Variants in ISG15 observed in about 807,000 individuals in gnomAD.
ISG15 encodes the protein ISG15 ubiquitin like modifier, also known as ubiquitin-like protein ISG15.
A neutral mutation model predicts 2.4 loss-of-function variants in ISG15; 2 were observed. That is an observed-to-expected ratio of 0.82 (90% CI 0.33 to 2.57). The LOEUF (loss-of-function observed/expected upper bound fraction) is 2.57, where lower values mean the gene tolerates loss of function less well. Among genes scored for constraint, ISG15 ranks in the 30% most tolerant of loss-of-function variants. The pLI, the probability that ISG15 is intolerant of heterozygous loss-of-function variation, is 0.11. For missense variants in ISG15, 224 were observed against 228.4 expected (o/e 0.98, Z 0.13); for synonymous variants, 116 against 108.1 (o/e 1.07, Z -0.45).
chr1:1,013,511 A>T lies in ISG15; in HGVS notation c.-63A>T. On this transcript the variant is annotated 5_prime_UTR_variant, in exon 1 of 2. Coordinates refer to ENST00000649529, the MANE Select transcript of ISG15 (RefSeq NM_005101.4). ...CTGCCGAAGCCGGCGGCTGAGAGGC[A>T]GCGAACTCATCTTTGCCAGTACAGG... is the stretch of plus-strand genomic sequence containing the variant. The T allele has an allele frequency of 6.4e-7, 1 of 1,574,010 alleles. No homozygotes were observed. The highest frequency in any genetic ancestry group is 1.3e-5 in the African/African-American group (1 of 74,432).
rs376407546 is a variant in ISG15, at chr1:1,014,501, A to G, written c.*23A>G. 1.8e-4 allele frequency: 287 copies of G among 1,578,880 alleles called. No homozygotes were observed. Among genetic ancestry groups the G allele is most frequent in the Non-Finnish European group, 1.9e-4 (226 of 1,161,614 alleles). On this transcript the variant is annotated 3_prime_UTR_variant, in exon 2 of 2. Coordinates refer to ENST00000649529, the MANE Select transcript of ISG15 (RefSeq NM_005101.4). ...TAAGGGCCTCCACCAGCATCCGAGC[A>G]GGATCAAGGGCCGGAAATAAAGGCT...
Position 1,014,443 on chromosome 1 carries a change from C to T in ISG15, c.463C>T (p.Arg155Trp), listed in dbSNP as rs761507082. The change falls in exon 2 of 2, where the codon CGG becomes TGG. Residue 155 changes from arginine (R) to tryptophan (W), a missense_variant. By Grantham distance (101) the Arg-to-Trp change is moderately radical. Transcript: ENST00000649529. Reference protein sequence around the residue: ...LSTVFMNLRLRGGGTEPGGRS With the variant: ...LSTVFMNLRLWGGGTEPGGRS The stretch of plus-strand genomic sequence containing the variant: ...CACCGTGTTCATGAATCTGCGCCTG[C>T]GGGGAGGCGGCACAGAGCCTGGCGG... 3.4e-5 allele frequency: 54 copies of T among 1,609,066 alleles called. No individual in the cohort carries two copies. In the Middle Eastern group the frequency reaches 6.6e-4, roughly 20 times the overall value.
Position 1,014,200 on chromosome 1 carries a change from G to T in ISG15, c.220G>T (p.Val74Leu). The T allele has an allele frequency of 6.2e-7, 1 of 1,613,532 alleles. No homozygotes were observed. Among genetic ancestry groups the T allele is most frequent in the Non-Finnish European group, 8.5e-7 (1 of 1,179,970 alleles). The change falls in exon 2 of 2, where the codon GTG becomes TTG. Residue 74 changes from valine (V) to leucine (L), a missense_variant. Val to Leu is a conservative substitution (Grantham distance 32). Transcript: ENST00000649529. ...GGGCCCCGGCAGCACGGTCCTGCTGGTGGTGGACAAATGCGACGAACCTCT... is the reference window on the plus strand; with the variant it reads ...GGGCCCCGGCAGCACGGTCCTGCTGTTGGTGGACAAATGCGACGAACCTCT... The part of the protein sequence containing the change: ...GLGPGSTVLL[V>L]VDKCDEPLSI...
chr1:1,013,918 C>T (rs1435439710), intron 1 of ISG15, 66 bp from the exon 2 acceptor site: 1 of 1,530,310 alleles, frequency 6.5e-7, no homozygotes, highest in Admixed American at 1.9e-5. Flanking sequence ...GCCCTGCAGC[C>T]AGTGCCTTGT....
At position 1,014,178 on chromosome 1, in the gene ISG15, C is replaced by A; in HGVS notation, c.198C>A (p.Gly66=). ...DRVPLASQGL[G]PGSTVLLVVD... ...TCCCCCTTGCCAGCCAGGGCCTGGG[C>A]CCCGGCAGCACGGTCCTGCTGGTGG... The change falls in exon 2 of 2, where the codon GGC becomes GGA. Residue 66 remains glycine (G), a synonymous_variant. Transcript: ENST00000649529. 2 of 1,613,042 alleles carry A rather than the reference C, an allele frequency of 1.2e-6. No individual in the cohort carries two copies. Among genetic ancestry groups the A allele is most frequent in the Non-Finnish European group, 1.7e-6 (2 of 1,179,594 alleles).
chr1:1,014,427 C>T lies in ISG15; in HGVS notation c.447C>T (p.Phe149=), dbSNP rs1454039383. The change falls in exon 2 of 2, where the codon TTC becomes TTT. Residue 149 remains phenylalanine (F), a synonymous_variant. Coordinates refer to ENST00000649529, the MANE Select transcript of ISG15 (RefSeq NM_005101.4). ...GCCTCAAGCCCCTGAGCACCGTGTTCATGAATCTGCGCCTGCGGGGAGGCG... is the reference window on the plus strand; with the variant it reads ...GCCTCAAGCCCCTGAGCACCGTGTTTATGAATCTGCGCCTGCGGGGAGGCG... ...EYGLKPLSTV[F]MNLRLRGGGT... is the part of the protein sequence containing the mutation. The T allele has an allele frequency of 6.2e-7, 1 of 1,611,814 alleles. No individual in the cohort carries two copies. The highest frequency in any genetic ancestry group is 8.5e-7 in the Non-Finnish European group (1 of 1,178,928).
Position 1,014,338 on chromosome 1 carries a change from G to C in ISG15, c.358G>C (p.Asp120His). The C allele has an allele frequency of 3.1e-6, 5 of 1,613,664 alleles. No individual in the cohort carries two copies. The highest frequency in any genetic ancestry group is 4.2e-6 in the Non-Finnish European group (5 of 1,180,018). ...QVSGLEGVQD[D>H]LFWLTFEGKP... The stretch of plus-strand genomic sequence containing the variant: ...GAGCGGGCTGGAGGGTGTGCAGGAC[G>C]ACCTGTTCTGGCTGACCTTCGAGGG... Residue 120 changes from aspartate (D) to histidine (H), a missense_variant, in exon 2 of 2, where the codon GAC becomes CAC. Transcript: ENST00000649529.
At chr1:1,013,872 GACAGGAGGGAGCACTGTCCCTGGGT>G in intron 1 of ISG15, 87 bp from the exon 2 acceptor site, 1 of 1,405,392 alleles carries the variant, frequency 7.1e-7, no homozygotes, top group South Asian at 1.4e-5. Flanking sequence ...GTAGAGGACA[GACAGGAGGGAGCACTGTCCCTGGGT>G]ACAGGAGCTC....
rs1644244274 is a variant in ISG15 at position 1,013,587 on chromosome 1, T to C, written c.3+11T>C. 1 of 1,613,442 alleles carries C rather than the reference T, an allele frequency of 6.2e-7. No homozygotes were observed. Among genetic ancestry groups the C allele is most frequent in the African/African-American group, 1.3e-5 (1 of 75,026 alleles). ...CAGCCCACAGCCATGGTAAGGCAGATGTCACAGGTGGGGGGAGGTGGGCTC... is the reference window on the plus strand; with the variant it reads ...CAGCCCACAGCCATGGTAAGGCAGACGTCACAGGTGGGGGGAGGTGGGCTC... On this transcript the variant is annotated intron_variant, in intron 1 of 1. Transcript: ENST00000649529.
At chr1:1,013,863 T>TAGAGGACAGAC in intron 1 of ISG15, 121 bp from the exon 2 acceptor site, 1 of 1,344,446 alleles carries the variant, frequency 7.4e-7, no homozygotes, top group South Asian at 1.4e-5. Flanking sequence ...CGGCGGGATG[T>TAGAGGACAGAC]AGAGGACAGA....
rs1215851455 is a variant in ISG15, at chr1:1,014,277, G to A, written c.297G>A (p.Arg99=). ...NKGRSSTYEV[R]LTQTVAHLKQ... ...GCCGCAGCAGCACCTACGAGGTACG[G>A]CTGACGCAGACCGTGGCCCACCTGA... is the stretch of plus-strand genomic sequence containing the variant. Residue 99 remains arginine (R), a synonymous_variant, in exon 2 of 2, where the codon CGG becomes CGA. Coordinates refer to ENST00000649529, the MANE Select transcript of ISG15 (RefSeq NM_005101.4). 3 of 1,613,494 alleles carry A rather than the reference G, an allele frequency of 1.9e-6. No individual in the cohort carries two copies. The East Asian group carries it at 6.7e-5, about 36-fold the overall frequency.
rs553176213 is a variant in ISG15, at chr1:1,013,549, GGCCCACA to G, written c.-7_-1del. The G allele has an allele frequency of 1.1e-3, 1,728 of 1,612,402 alleles. 7 individuals carry two copies. The highest frequency in any genetic ancestry group is 7.2e-3 in the African/African-American group (537 of 74,990). On this transcript the variant is annotated 5_prime_UTR_variant, in exon 1 of 2. Coordinates refer to ENST00000649529, the MANE Select transcript of ISG15 (RefSeq NM_005101.4). ...TTGCCAGTACAGGAGCTTGTGCCGT[GGCCCACA>G]GCCCACAGCCCACAGCCATGGTAAG...
rs1438086805 is a variant in ISG15 at position 1,013,528 on chromosome 1, C to T, written c.-46C>T. ...TGAGAGGCAGCGAACTCATCTTTGC[C>T]AGTACAGGAGCTTGTGCCGTGGCCC... On this transcript the variant is annotated 5_prime_UTR_variant, in exon 1 of 2. Coordinates refer to ENST00000649529, the MANE Select transcript of ISG15 (RefSeq NM_005101.4). 1.9e-6 allele frequency: 3 copies of T among 1,609,578 alleles called. No homozygotes were observed. Among genetic ancestry groups the T allele is most frequent in the Non-Finnish European group, 8.5e-7 (1 of 1,176,350 alleles).
Position 1,014,319 on chromosome 1 carries a change from G to T in ISG15, c.339G>T (p.Gly113=). The T allele has an allele frequency of 6.2e-7, 1 of 1,613,742 alleles. No homozygotes were observed. Among genetic ancestry groups the T allele is most frequent in the Non-Finnish European group, 8.5e-7 (1 of 1,180,022 alleles). Residue 113 remains glycine (G), a synonymous_variant, in exon 2 of 2, where the codon GGG becomes GGT. Transcript: ENST00000649529. ...TVAHLKQQVS[G]LEGVQDDLFW... is the part of the protein sequence containing the mutation. Reference sequence around the variant, plus strand: ...CCCACCTGAAGCAGCAAGTGAGCGGGCTGGAGGGTGTGCAGGACGACCTGT... The same window carrying T: ...CCCACCTGAAGCAGCAAGTGAGCGGTCTGGAGGGTGTGCAGGACGACCTGT...
chr1:1,014,106 G>C lies in ISG15; in HGVS notation c.126G>C (p.Gln42His). 1 of 1,613,274 alleles carries C rather than the reference G, an allele frequency of 6.2e-7. No homozygotes were observed. Among genetic ancestry groups the C allele is most frequent in the Non-Finnish European group, 8.5e-7 (1 of 1,179,748 alleles). The change falls in exon 2 of 2, where the codon CAG becomes CAC. Residue 42 changes from glutamine to histidine, a missense_variant. Gln to His is a conservative substitution (Grantham distance 24, BLOSUM62 0). Transcript: ENST00000649529. ...AGAAGATCGGCGTGCACGCCTTCCA[G>C]CAGCGTCTGGCTGTCCACCCGAGCG... ...ITQKIGVHAF[Q>H]QRLAVHPSGV...
intron 1 of ISG15, 110 bp from the exon 2 acceptor site, chr1:1,013,874 C>T: frequency 7.1e-7 from 1 of 1,399,258 alleles, no homozygotes; most frequent in Middle Eastern, 2.2e-4. Flanking sequence ...AGAGGACAGA[C>T]AGGAGGGAGC....
rs766568573 is a variant in ISG15 at position 1,014,295 on chromosome 1, C to T, written c.315C>T (p.Ala105=). Residue 105 remains alanine (A), a synonymous_variant, in exon 2 of 2, where the codon GCC becomes GCT. Transcript: ENST00000649529. The part of the protein sequence containing the change: ...TYEVRLTQTV[A]HLKQQVSGLE... ...AGGTACGGCTGACGCAGACCGTGGCCCACCTGAAGCAGCAAGTGAGCGGGC... is the reference window on the plus strand; with the variant it reads ...AGGTACGGCTGACGCAGACCGTGGCTCACCTGAAGCAGCAAGTGAGCGGGC... 1 of 1,613,672 alleles carries T rather than the reference C, an allele frequency of 6.2e-7. No homozygotes were observed. The highest frequency in any genetic ancestry group is 1.7e-5 in the Admixed American group (1 of 60,030).
chr1:1,014,456 C>G lies in ISG15; in HGVS notation c.476C>G (p.Thr159Arg). Residue 159 changes from threonine to arginine, a missense_variant, in exon 2 of 2, where the codon ACA becomes AGA. Physicochemically the swap from Thr to Arg is moderately conservative, Grantham distance 71. Transcript: ENST00000649529. ...FMNLRLRGGGTEPGGRS is the reference protein window; with the variant it reads ...FMNLRLRGGGREPGGRS ...AATCTGCGCCTGCGGGGAGGCGGCACAGAGCCTGGCGGGCGGAGCTAAGGG... is the reference window on the plus strand; with the variant it reads ...AATCTGCGCCTGCGGGGAGGCGGCAGAGAGCCTGGCGGGCGGAGCTAAGGG... 1 of 1,606,900 alleles carries G rather than the reference C, an allele frequency of 6.2e-7. No individual in the cohort carries two copies. Among genetic ancestry groups the G allele is most frequent in the Admixed American group, 1.7e-5 (1 of 59,894 alleles).
Position 1,014,224 on chromosome 1 carries a change from C to CT in ISG15, c.245dup (p.Ser83GlufsTer7). On this transcript the variant is annotated frameshift_variant, in exon 2 of 2. Transcript: ENST00000649529. LOFTEE classifies it low-confidence loss of function (END_TRUNC). ...GGTGGTGGACAAATGCGACGAACCTCTGAGCATCCTGGTGAGGAATAACAA... is the reference window on the plus strand; with the variant it reads ...GGTGGTGGACAAATGCGACGAACCTCTTGAGCATCCTGGTGAGGAATAACAA... 1 of 1,613,614 alleles carries CT rather than the reference C, an allele frequency of 6.2e-7. No homozygotes were observed. The highest frequency in any genetic ancestry group is 8.5e-7 in the Non-Finnish European group (1 of 1,179,996).
Sources: allele counts gnomAD v4.1 joint callset, GRCh38; gene constraint gnomAD v4.1.1; transcripts MANE v1.5; gene names NCBI Gene and HGNC (gene_info 2026-07-23, HGNC 2026-07-21).